STXBP5L: variants seen among roughly 807,000 people sequenced by gnomAD.
The protein encoded by STXBP5L is syntaxin binding protein 5L, also known as syntaxin-binding protein 5-like.
A neutral mutation model predicts 144.5 loss-of-function variants in STXBP5L; 65 were observed. That is an observed-to-expected ratio of 0.45 (90% confidence interval 0.37 to 0.55). The LOEUF (loss-of-function observed/expected upper bound fraction) is 0.55. STXBP5L is among the 20% of genes least tolerant of loss of function. The pLI, the probability that STXBP5L is intolerant of heterozygous loss-of-function variation, is 0.00. For missense variants in STXBP5L, 1,298 were observed against 1,405.5 expected (o/e 0.92, Z 1.22); for synonymous variants, 505 against 469.6 (o/e 1.08, Z -0.97).
intron 5 of STXBP5L, among the ~76,000 whole-genome samples, chr3:121,048,961 C>T (rs1315269391): frequency 3.9e-5 from 6 of 152,166 alleles, no homozygotes; most frequent in Non-Finnish European, 1.5e-5. Flanking sequence ...ACTATATGTC[C>T]TCTCAATCCC....
chr3:121,135,907 C>T (rs1395514570), intron 7 of STXBP5L, among the ~76,000 whole-genome samples: 2 of 152,212 alleles, frequency 1.3e-5, no homozygotes, highest in Non-Finnish European at 2.9e-5. Context: ...CACTAATCCT[C>T]AGTGGCAGGC....
chr3:121,283,311 A>T (rs927116126), intron 19 of STXBP5L, among the ~76,000 whole-genome samples: 1 of 152,020 alleles, frequency 6.6e-6, no homozygotes, highest in Non-Finnish European at 1.5e-5. Flanking sequence ...TACAAAAGTC[A>T]GTCTCTATGA....
intron 20 of STXBP5L, among the ~76,000 whole-genome samples, chr3:121,378,356 TTCTA>T (rs563735245): frequency 1.2e-3 from 184 of 152,300 alleles, no homozygotes; most frequent in Non-Finnish European, 2.2e-3. Flanking sequence ...AATGCTTCTA[TTCTA>T]TCTTTTTAAA....
At chr3:121,098,366 G>A (rs924571877) in intron 5 of STXBP5L, among the ~76,000 whole-genome samples, 6 of 152,126 alleles carry the variant, frequency 3.9e-5, no homozygotes, top group African/African-American at 1.4e-4. Context: ...GAGAGAGGCA[G>A]GAGGTGCCAG....
intron 9 of STXBP5L, among the ~76,000 whole-genome samples, chr3:121,196,519 T>A (rs1360987940): frequency 6.6e-6 from 1 of 152,148 alleles, no homozygotes; most frequent in Non-Finnish European, 1.5e-5. Flanking sequence ...ATTATTTGCT[T>A]TTGTATATAT....
In STXBP5L at chr3:120,975,830, A is replaced by G. The variant is rs1355319604; in HGVS notation, c.287+20793A>G. 2.6e-5 allele frequency among the ~76,000 whole-genome samples: 4 copies of G among 152,198 alleles called. No homozygotes were observed. In the East Asian group the frequency reaches 7.7e-4, roughly 29 times the overall value. Reference sequence around the variant, plus strand: ...GTGGTTTTTGTCTTTGGTTCTGTTTATATGCTGGATTACATTTATTGATTT... The same window carrying G: ...GTGGTTTTTGTCTTTGGTTCTGTTTGTATGCTGGATTACATTTATTGATTT... On this transcript the variant is annotated intron_variant, in intron 3 of 26. Transcript: ENST00000471454.
At chr3:121,075,458 A>G (rs910610914) in intron 5 of STXBP5L, among the ~76,000 whole-genome samples, 5 of 152,086 alleles carry the variant, frequency 3.3e-5, no homozygotes, top group Non-Finnish European at 5.9e-5. Context: ...TGGCCTCCTC[A>G]TCTTGATTTA....
At chr3:121,129,025 C>T (rs1360196228) in intron 7 of STXBP5L, among the ~76,000 whole-genome samples, 1 of 151,936 alleles carries the variant, frequency 6.6e-6, no homozygotes, top group Non-Finnish European at 1.5e-5. Flanking sequence ...GACATTAATA[C>T]TGGGAAATTT....
intron 5 of STXBP5L, among the ~76,000 whole-genome samples, chr3:121,054,587 TGTG>T (rs1468345403): frequency 1.1e-5 from 1 of 94,292 alleles, no homozygotes; most frequent in African/African-American, 4.4e-5. Flanking sequence ...CAGGGCCTGT[TGTG>T]GGGTGGGGGG....
chr3:121,278,298 A>G (rs531607901), intron 18 of STXBP5L, among the ~76,000 whole-genome samples: 14 of 152,106 alleles, frequency 9.2e-5, no homozygotes, highest in African/African-American at 2.6e-4. Context: ...CCACTTTTCT[A>G]GTAATTTAAA....
chr3:121,040,435 A>G (rs1947067347), intron 3 of STXBP5L, among the ~76,000 whole-genome samples: 2 of 152,074 alleles, frequency 1.3e-5, no homozygotes. Flanking sequence ...TCTTGCCTCA[A>G]CATAAACTTT....
intron 19 of STXBP5L, among the ~76,000 whole-genome samples, chr3:121,286,765 C>T (rs2051246322): frequency 6.6e-6 from 1 of 151,944 alleles, no homozygotes; most frequent in African/African-American, 2.4e-5. Flanking sequence ...AACCCCACAC[C>T]CATTCCCCCA....
intron 20 of STXBP5L, among the ~76,000 whole-genome samples, chr3:121,342,532 G>A (rs910293277): frequency 1.5e-5 from 2 of 129,802 alleles, no homozygotes; most frequent in Admixed American, 9.9e-5. Context: ...AGAGTGTGAT[G>A]TTCCCCTTCC....
chr3:121,232,289 T>A (rs997896900), intron 11 of STXBP5L, among the ~76,000 whole-genome samples: 3 of 152,028 alleles, frequency 2.0e-5, no homozygotes, highest in Non-Finnish European at 4.4e-5. Context: ...AAAGTTGAAA[T>A]CCCCTAACAA....
At chr3:121,217,988 T>A (rs918421142) in intron 10 of STXBP5L, among the ~76,000 whole-genome samples, 12 of 145,598 alleles carry the variant, frequency 8.2e-5, no homozygotes, top group African/African-American at 3.0e-4. Flanking sequence ...TAGTAGCTAT[T>A]ACTATATAAT....
chr3:120,957,547 C>T (rs977723474), intron 3 of STXBP5L, among the ~76,000 whole-genome samples: 1 of 151,788 alleles, frequency 6.6e-6, no homozygotes, highest in Non-Finnish European at 1.5e-5. Context: ...TAGGATAATG[C>T]CGGCCTCATA....
At chr3:121,240,554 G>A in intron 14 of STXBP5L, 47 bp downstream of exon 14, 7 of 1,542,324 alleles carry the variant, frequency 4.5e-6, no homozygotes, top group Non-Finnish European at 6.3e-6. Flanking sequence ...ACAAAAAGAT[G>A]TTTACTGAGT....
chr3:121,184,454 A>G (rs1166556651), intron 9 of STXBP5L, among the ~76,000 whole-genome samples: 1 of 151,690 alleles, frequency 6.6e-6, no homozygotes, highest in Non-Finnish European at 1.5e-5. Flanking sequence ...CAAGCAGAAG[A>G]CAGGATATCA....
At chr3:121,197,255 C>G (rs2047956926) in intron 9 of STXBP5L, among the ~76,000 whole-genome samples, 1 of 152,006 alleles carries the variant, frequency 6.6e-6, no homozygotes, top group Non-Finnish European at 1.5e-5. Context: ...CAAAGCGTGT[C>G]TCCTGTAGAA....
Sources: gnomAD v4.1 joint callset for allele counts (sites outside exome capture counted in the v4.1 genomes callset) on GRCh38, gnomAD v4.1.1 for gene constraint, MANE v1.5 for transcripts, NCBI Gene and HGNC (gene_info 2026-07-23, HGNC 2026-07-21) for gene names.